MYBPC1: variants seen among roughly 807,000 people sequenced by gnomAD.
The protein encoded by MYBPC1 is myosin binding protein C1.
Under a neutral mutation model 147.1 loss-of-function variants are expected in MYBPC1, and 52 were observed. The ratio of observed to expected loss-of-function variants is 0.35; its 90% CI spans 0.28 to 0.45. MYBPC1 has a LOEUF of 0.45. MYBPC1 is among the 20% of genes least tolerant of loss of function. The pLI, the probability that MYBPC1 is intolerant of heterozygous loss-of-function variation, is 1.00. For missense variants in MYBPC1, 1,228 were observed against 1,440.3 expected, an observed-to-expected ratio of 0.85 and a Z score of 2.39; for synonymous variants, 477 against 475.9, an observed-to-expected ratio of 1.00 and a Z score of -0.03.
At chr12:101,669,927 T>TG (rs1565995396) in intron 23 of MYBPC1, 2 of 171,528 alleles carry the variant, frequency 1.2e-5, no homozygotes, top group Admixed American at 1.3e-4. Context: ...AGAGACTCTC[T>TG]GAAAAAAAAA....
chr12:101,662,443 CAAG>C lies in MYBPC1; in HGVS notation c.2123_2125del (p.Lys708del). On this transcript the variant is annotated inframe_deletion, in exon 21 of 32. Transcript: ENST00000361466. ...TCTGCAAAGAAACAACTTTTGAGCCCAAGAAGATGATTGAAGGTGTGGCCTATG... is the reference window on the plus strand; with the variant it reads ...TCTGCAAAGAAACAACTTTTGAGCCCAAGATGATTGAAGGTGTGGCCTATG... The C allele has an allele frequency of 6.2e-7, 1 of 1,614,198 alleles. No homozygotes were observed. Among genetic ancestry groups the C allele is most frequent in the Non-Finnish European group, 8.5e-7 (1 of 1,180,036 alleles).
At chr12:101,598,293 T>A (rs577863981) in intron 1 of MYBPC1, among the ~76,000 whole-genome samples, 1 of 152,294 alleles carries the variant, frequency 6.6e-6, no homozygotes, top group South Asian at 2.1e-4. Context: ...GTGCTGGGAT[T>A]ACAGGCATGA....
rs1178012098 is a variant in MYBPC1 at position 101,661,193 on chromosome 12, G to C, written c.1963G>C (p.Glu655Gln). 1.9e-6 allele frequency: 3 copies of C among 1,613,684 alleles called. No homozygotes were observed. The highest frequency in any genetic ancestry group is 4.5e-5 in the East Asian group (2 of 44,884). The change falls in exon 20 of 32, where the codon GAG becomes CAG. Residue 655 changes from glutamate to glutamine, a missense_variant. Around this residue, in one of 2 missense-constraint regions of MYBPC1, gnomAD observed 1,077 missense variants for 1,314.2 expected, o/e 0.82. Transcript: ENST00000361466. Reference protein sequence around the residue: ...PDPPVAPTVTEVGDDWCIMNW... With the variant: ...PDPPVAPTVTQVGDDWCIMNW... ...TCCTCCAGTGGCACCGACTGTGACA[G>C]AGGTGGGAGATGACTGGTGTATCAT... is the stretch of plus-strand genomic sequence containing the variant.
chr12:101,682,004 A>G (rs2136917414), intron 29 of MYBPC1, among the ~76,000 whole-genome samples: 1 of 152,258 alleles, frequency 6.6e-6, no homozygotes, highest in African/African-American at 2.4e-5. Context: ...CCTCACAAAT[A>G]TAAGGCATAT....
At chr12:101,599,996 G>C (rs553118386) in intron 1 of MYBPC1, among the ~76,000 whole-genome samples, 1 of 152,268 alleles carries the variant, frequency 6.6e-6, no homozygotes, top group South Asian at 2.1e-4. Flanking sequence ...CTGTTAGGAA[G>C]ATAAATAAAG....
chr12:101,598,297 G>A (rs1338466891), intron 1 of MYBPC1, among the ~76,000 whole-genome samples: 2 of 152,162 alleles, frequency 1.3e-5, no homozygotes, highest in African/African-American at 4.8e-5. Flanking sequence ...TGGGATTACA[G>A]GCATGAGCCA....
At chr12:101,626,395 T>C (rs752280886) in intron 3 of MYBPC1, among the ~76,000 whole-genome samples, 16 of 152,330 alleles carry the variant, frequency 1.1e-4, no homozygotes, top group Non-Finnish European at 2.4e-4. Context: ...GTTTCTTAAA[T>C]ACTGAGAGCA....
At chr12:101,624,228 T>C (rs1027944010) in intron 3 of MYBPC1, among the ~76,000 whole-genome samples, 3 of 152,146 alleles carry the variant, frequency 2.0e-5, no homozygotes, top group African/African-American at 4.8e-5. Flanking sequence ...GTAATGATAT[T>C]AATATATTAT....
chr12:101,647,904 A>T (rs1893561854), intron 13 of MYBPC1, 141 bp from the exon 14 acceptor site: 1 of 683,174 alleles, frequency 1.5e-6, no homozygotes, highest in Non-Finnish European at 2.6e-6. Context: ...GAACAAAAAC[A>T]AAAACCTCAC....
At chr12:101,691,541 GA>G in the MYBPC1 span, among the ~76,000 whole-genome samples, 4 of 152,316 alleles carry the variant, frequency 2.6e-5, no homozygotes, top group East Asian at 7.7e-4. Context: ...AGGAAGATTT[GA>G]AATATGAGTG....
In MYBPC1 at chr12:101,604,439, C is replaced by A. The variant is rs2135620772; in HGVS notation, c.25+9344C>A. Among the ~76,000 whole-genome samples the A allele has an allele frequency of 1.3e-5, 2 of 152,226 alleles. 1 individual carries two copies. Among genetic ancestry groups the A allele is most frequent in the South Asian group, 4.2e-4 (2 of 4,818 alleles). The stretch of plus-strand genomic sequence containing the variant: ...AGTACAGTCTTTGGCAACATTCGAC[C>A]ATAGTAAATAAATATGGATTAAATT... On this transcript the variant is annotated intron_variant, in intron 1 of 31. Coordinates refer to ENST00000361466, the MANE Select transcript of MYBPC1 (RefSeq NM_002465.4).
At chr12:101,638,329 C>T (rs1299119946) in intron 10 of MYBPC1, among the ~76,000 whole-genome samples, 2 of 152,176 alleles carry the variant, frequency 1.3e-5, no homozygotes, top group Non-Finnish European at 2.9e-5. Flanking sequence ...GATAGATACA[C>T]TTTTGTGGGA....
At position 101,669,103 on chromosome 12, in the gene MYBPC1, G is replaced by C. The variant is rs534732125; in HGVS notation, c.2524+1204G>C. Among the ~76,000 whole-genome samples the C allele has an allele frequency of 4.6e-5, 7 of 152,142 alleles. No individual in the cohort carries two copies. In the East Asian group the frequency reaches 1.4e-3, roughly 29 times the overall value. On this transcript the variant is annotated intron_variant, in intron 23 of 31. Transcript: ENST00000361466. ...CCTTGTCTCAAATAAAACAAAACAA[G>C]AATAAGAATAATAACTTTCATCAAA...
intron 5 of MYBPC1, chr12:101,628,067 A>C: frequency 2.4e-6 from 1 of 418,194 alleles, no homozygotes; most frequent in South Asian, 2.4e-5. Flanking sequence ...ATACACAGAG[A>C]TCAATCTTCA....
At position 101,653,379 on chromosome 12, in the gene MYBPC1, G is replaced by A. The variant is rs188895788; in HGVS notation, c.1767+131G>A. 2,409 of 1,245,618 alleles carry A rather than the reference G, an allele frequency of 1.9e-3. 9 individuals are homozygous for A. The highest frequency in any genetic ancestry group is 2.5e-3 in the Non-Finnish European group (2,228 of 888,882). 77.2% of individuals were successfully genotyped at this position (1,245,618 alleles called of 1,614,324 possible). ...AAATGTACAGCAGTACAGTAAAGAT[G>A]TAATTCCTTTGAAAAAGAAAGATGA... On this transcript the variant is annotated intron_variant, in intron 18 of 31. Coordinates refer to ENST00000361466, the MANE Select transcript of MYBPC1 (RefSeq NM_002465.4).
At chr12:101,608,244 C>T (rs1882999185) in intron 1 of MYBPC1, among the ~76,000 whole-genome samples, 1 of 152,296 alleles carries the variant, frequency 6.6e-6, no homozygotes, top group Admixed American at 6.5e-5. Flanking sequence ...AAAGAGGGGG[C>T]TAGCTTTAGT....
At chr12:101,601,712 T>C (rs891361505) in intron 1 of MYBPC1, among the ~76,000 whole-genome samples, 6 of 152,078 alleles carry the variant, frequency 3.9e-5, no homozygotes, top group African/African-American at 7.3e-5. Flanking sequence ...TGTTAGATCT[T>C]ATGATTTTGT....
rs764895181 is a variant in MYBPC1 at position 101,667,919 on chromosome 12, A to G, written c.2524+20A>G. ...TCATAGGTAGGAGACAAGGCTTTCA[A>G]AAGTTAGACTCCATTTTACATGGTT... On this transcript the variant is annotated intron_variant, in intron 23 of 31. Coordinates refer to ENST00000361466, the MANE Select transcript of MYBPC1 (RefSeq NM_002465.4). The G allele has an allele frequency of 6.2e-7, 1 of 1,612,092 alleles. No individual in the cohort carries two copies. Among genetic ancestry groups the G allele is most frequent in the East Asian group, 2.2e-5 (1 of 44,842 alleles).
At chr12:101,674,550 A>G (rs1249385692) in intron 25 of MYBPC1, among the ~76,000 whole-genome samples, 1 of 152,124 alleles carries the variant, frequency 6.6e-6, no homozygotes, top group Non-Finnish European at 1.5e-5. Flanking sequence ...CACTTAAATT[A>G]TACTGTAATT....
Sources: allele counts gnomAD v4.1 joint callset (sites outside exome capture counted in the v4.1 genomes callset), GRCh38; gene constraint gnomAD v4.1.1; regional missense constraint gnomAD v4.1.1; transcripts MANE v1.5; gene names NCBI Gene and HGNC (gene_info 2026-07-23, HGNC 2026-07-21).